The following C8orf34 variants were observed in gnomAD, a reference collection of about 807,000 sequenced individuals.
The protein encoded by C8orf34 is uncharacterized protein C8orf34.
Under a neutral mutation model 68.3 loss-of-function variants are expected in C8orf34, and 65 were observed. The observed-to-expected ratio is 0.95, with a 90% CI of 0.78 to 1.17. C8orf34 has a LOEUF of 1.17. Among genes scored for constraint, C8orf34 ranks in the 50% most tolerant of loss-of-function variants. The probability of loss-of-function intolerance (pLI) is 0.00; values close to 1 mark genes in which losing one functional copy is unlikely to be tolerated. For missense variants in C8orf34, 664 were observed against 655.4 expected (o/e 1.01, Z -0.14); for synonymous variants, 244 against 241.2 (o/e 1.01, Z -0.11).
At chr8:68,415,985 A>T (rs1473945972) in intron 1 of C8orf34, among the ~76,000 whole-genome samples, 3 of 152,210 alleles carry the variant, frequency 2.0e-5, no homozygotes, top group South Asian at 2.1e-4. Context: ...CCTTATTCTA[A>T]AATGAGAAAA....
rs1563624055 is a variant in C8orf34, at chr8:68,331,134, G to A, written c.122G>A (p.Arg41Gln). ...RAATHARGRG[R>Q]ASHAGQPRLR... Reference sequence around the variant, plus strand: ...GCCACCCACGCCCGCGGCCGGGGCCGAGCCAGCCACGCAGGGCAGCCGAGG... The same window carrying A: ...GCCACCCACGCCCGCGGCCGGGGCCAAGCCAGCCACGCAGGGCAGCCGAGG... The change falls in exon 1 of 14, where the codon CGA becomes CAA. Residue 41 changes from arginine to glutamine, a missense_variant. By Grantham distance (43) the Arg-to-Gln change is conservative (BLOSUM62 1). Transcript: ENST00000518698. The A allele has an allele frequency of 1.1e-5, 17 of 1,518,492 alleles. No individual in the cohort carries two copies. Among genetic ancestry groups the A allele is most frequent in the South Asian group, 3.7e-5 (3 of 81,988 alleles). 94.1% of individuals were successfully genotyped at this position (1,518,492 alleles called of 1,614,324 possible).
rs1237574602 is a variant in C8orf34, at chr8:68,709,064, A to T, written c.1312A>T (p.Ile438Phe). The T allele has an allele frequency of 1.2e-6, 2 of 1,612,112 alleles. No homozygotes were observed. Among genetic ancestry groups the T allele is most frequent in the South Asian group, 2.2e-5 (2 of 90,818 alleles). Residue 438 changes from isoleucine to phenylalanine, a missense_variant, in exon 9 of 14, where the codon ATC becomes TTC. By Grantham distance (21) the Ile-to-Phe change is conservative. Transcript: ENST00000518698. ...LPILHSPDEK[I>F]PDSFDSLPGT... is the part of the protein sequence containing the mutation. ...AATACTCCATTCTCCAGATGAAAAA[A>T]TCCCAGATTCATTCGGTAAGTTTTA...
intron 6 of C8orf34, among the ~76,000 whole-genome samples, chr8:68,527,654 G>A (rs183756121): frequency 1.1e-4 from 17 of 152,320 alleles, no homozygotes; most frequent in Admixed American, 6.5e-4. Flanking sequence ...TAGCCGTTAG[G>A]TCACTGAGCT....
At chr8:68,554,622 G>A (rs1028717516) in intron 7 of C8orf34, among the ~76,000 whole-genome samples, 1 of 152,032 alleles carries the variant, frequency 6.6e-6, no homozygotes, top group Non-Finnish European at 1.5e-5. Context: ...CATTGCTACA[G>A]GTTAAGCCAC....
At chr8:68,590,907 A>G (rs549981312) in intron 7 of C8orf34, among the ~76,000 whole-genome samples, 1 of 152,274 alleles carries the variant, frequency 6.6e-6, no homozygotes, top group Non-Finnish European at 1.5e-5. Flanking sequence ...AGTTAGGAGA[A>G]GATGCTATAT....
chr8:68,764,933 C>A (rs1823128396), intron 10 of C8orf34, among the ~76,000 whole-genome samples: 1 of 152,132 alleles, frequency 6.6e-6, no homozygotes, highest in African/African-American at 2.4e-5. Flanking sequence ...GTACAAGATT[C>A]TTCTAATGAA....
intron 1 of C8orf34, among the ~76,000 whole-genome samples, chr8:68,434,749 A>G (rs920734104): frequency 6.6e-6 from 1 of 152,162 alleles, no homozygotes; most frequent in African/African-American, 2.4e-5. Context: ...AAAAAACAAT[A>G]TTAAGAGAAC....
chr8:68,460,073 G>A (rs1394623745), intron 3 of C8orf34, among the ~76,000 whole-genome samples: 1 of 152,106 alleles, frequency 6.6e-6, no homozygotes, highest in African/African-American at 2.4e-5. Context: ...TGGAAAATCG[G>A]GTCACTCCCA....
chr8:68,689,996 A>G (rs1820639009), intron 8 of C8orf34, among the ~76,000 whole-genome samples: 2 of 152,010 alleles, frequency 1.3e-5, no homozygotes, highest in Admixed American at 6.6e-5. Context: ...AAGTAGTCAA[A>G]TTGCTGGTCT....
intron 6 of C8orf34, 114 bp from the exon 7 acceptor site, chr8:68,532,869 G>A: frequency 1.5e-6 from 1 of 689,452 alleles, no homozygotes; most frequent in Admixed American, 3.4e-5. Context: ...ATTATCCTTG[G>A]GGAAAACTTT....
In C8orf34 at chr8:68,482,020, C is replaced by T. The variant is rs188262066; in HGVS notation, c.737-6003C>T. The stretch of plus-strand genomic sequence containing the variant: ...TGATATGGATTGGCTGTGTCCTCAC[C>T]CACATCTCAACTTGAATTGTATCTT... On this transcript the variant is annotated intron_variant, in intron 4 of 13. Coordinates refer to ENST00000518698, the MANE Select transcript of C8orf34 (RefSeq NM_052958.4). Among the ~76,000 whole-genome samples the T allele has an allele frequency of 3.9e-5, 6 of 152,194 alleles. No homozygotes were observed. The East Asian group carries it at 1.2e-3, about 29-fold the overall frequency.
At chr8:68,428,594 T>A (rs1487365610) in intron 1 of C8orf34, among the ~76,000 whole-genome samples, 2 of 151,546 alleles carry the variant, frequency 1.3e-5, no homozygotes, top group Admixed American at 6.6e-5. Context: ...ACAGAAAAAA[T>A]TTCAGTCAAA....
rs150736969 is a variant in C8orf34, at chr8:68,771,322, C to T, written c.1405-5077C>T. Among the ~76,000 whole-genome samples the T allele has an allele frequency of 1.6e-3, 236 of 152,212 alleles. 1 individual carries two copies. The highest frequency in any genetic ancestry group is 5.3e-3 in the African/African-American group (219 of 41,524). ...TTGTCGAGTTCAGAAAGCTGAATTT[C>T]GATCTCTTCATCAACTATCATAAAT... is the stretch of plus-strand genomic sequence containing the variant. On this transcript the variant is annotated intron_variant, in intron 10 of 13. Transcript: ENST00000518698.
chr8:68,446,413 A>G lies in C8orf34; in HGVS notation c.560A>G (p.Asp187Gly), dbSNP rs1811125843. The change falls in exon 3 of 14, where the codon GAC becomes GGC. Residue 187 changes from aspartate to glycine, a missense_variant. By Grantham distance (94) the Asp-to-Gly change is moderately conservative. Coordinates refer to ENST00000518698, the MANE Select transcript of C8orf34 (RefSeq NM_052958.4). ...NAKKPKKSKS[D>G]LAVSNISPPS... ...AAGAAGCCTAAAAAATCAAAAAGTG[A>G]CCTTGCTGTGTCTAATATTTCTCCA... The G allele has an allele frequency of 1.9e-6, 3 of 1,613,202 alleles. No individual in the cohort carries two copies. Among genetic ancestry groups the G allele is most frequent in the East Asian group, 2.2e-5 (1 of 44,744 alleles).
At chr8:68,660,881 T>C (rs183557587) in intron 8 of C8orf34, among the ~76,000 whole-genome samples, 13 of 146,512 alleles carry the variant, frequency 8.9e-5, no homozygotes, top group Non-Finnish European at 1.5e-4. Flanking sequence ...ATGTGTTAAC[T>C]CCTGACATAG....
intron 7 of C8orf34, among the ~76,000 whole-genome samples, chr8:68,610,760 T>C (rs901681089): frequency 6.6e-6 from 1 of 151,972 alleles, no homozygotes; most frequent in Non-Finnish European, 1.5e-5. Flanking sequence ...GGAATGTTAG[T>C]GTCAAGTACA....
chr8:68,483,981 G>A (rs1465708581), intron 4 of C8orf34, among the ~76,000 whole-genome samples: 2 of 152,174 alleles, frequency 1.3e-5, no homozygotes, highest in African/African-American at 4.8e-5. Flanking sequence ...TTGCATTGCT[G>A]TGAAGAAATA....
intron 8 of C8orf34, among the ~76,000 whole-genome samples, chr8:68,685,184 T>C (rs569895614): frequency 3.9e-5 from 6 of 152,142 alleles, no homozygotes; most frequent in Admixed American, 2.6e-4. Context: ...CTTTCCTCTT[T>C]CTCTATCATT....
intron 10 of C8orf34, among the ~76,000 whole-genome samples, chr8:68,726,889 A>AT (rs1286141522): frequency 6.6e-6 from 1 of 152,098 alleles, no homozygotes; most frequent in Non-Finnish European, 1.5e-5. Flanking sequence ...GAATTCTGGG[A>AT]TTTACAATTC....
Sources: allele counts gnomAD v4.1 joint callset (sites outside exome capture counted in the v4.1 genomes callset), GRCh38; gene constraint gnomAD v4.1.1; transcripts MANE v1.5; gene names NCBI Gene and HGNC (gene_info 2026-07-23, HGNC 2026-07-21).